GRIN2D: variants seen among roughly 807,000 people sequenced by gnomAD.
GRIN2D encodes the protein glutamate receptor ionotropic, NMDA 2D.
A neutral mutation model predicts 103.2 loss-of-function variants in GRIN2D; 37 were observed. The ratio of observed to expected loss-of-function variants is 0.36; its 90% confidence interval spans 0.28 to 0.47. The LOEUF is 0.47. Among genes scored for constraint, GRIN2D ranks in the 20% least tolerant of loss-of-function variants. The probability of loss-of-function intolerance (pLI) is 1.00; values close to 1 mark genes in which losing one functional copy is unlikely to be tolerated. For synonymous variants in GRIN2D, 845 were observed against 885.6 expected (o/e 0.95, Z 0.81); for missense variants, 1,557 against 1,910.6 (o/e 0.81, Z 3.45).
chr19:48,443,452 G>T lies in GRIN2D; in HGVS notation c.3526G>T (p.Ala1176Ser). 2 of 1,383,238 alleles carry T rather than the reference G, an allele frequency of 1.4e-6. No homozygotes were observed. Among genetic ancestry groups the T allele is most frequent in the South Asian group, 1.6e-5 (1 of 63,678 alleles). 85.7% of individuals were successfully genotyped at this position (1,383,238 alleles called of 1,614,324 possible). A position where few individuals can be genotyped will look rare whatever the true frequency, so the allele number is the denominator to read the frequency against. The change falls in exon 14 of 14, where the codon GCC becomes TCC. Residue 1176 changes from alanine (A) to serine (S), a missense_variant. Physicochemically the swap from Ala to Ser is moderately conservative, Grantham distance 99. Coordinates refer to ENST00000263269, the MANE Select transcript of GRIN2D (RefSeq NM_000836.4). The surrounding 1 kb of genome is among the most constrained non-coding windows in gnomAD (Gnocchi z 8.9). The part of the protein sequence containing the change: ...WDYLPPRSGP[A>S]AWHCRHCASL... ...CTACCTGCCCCCGCGCAGCGGTCCG[G>T]CCGCCTGGCACTGTCGGCACTGCGC...
intron 11 of GRIN2D, among the ~76,000 whole-genome samples, chr19:48,435,340 A>G (rs1799282): frequency 0.89 from 129,176 of 144,988 alleles, 57,675 homozygotes; most frequent in Middle Eastern, 0.94. Context: ...CTCTTGCTCC[A>G]TTGCCCGGGC....
At position 48,442,998 on chromosome 19, in the gene GRIN2D, C is replaced by T; in HGVS notation, c.3072C>T (p.Phe1024=). 2 of 1,096,686 alleles carry T rather than the reference C, an allele frequency of 1.8e-6. No homozygotes were observed. The highest frequency in any genetic ancestry group is 2.2e-6 in the Non-Finnish European group (2 of 899,692). 67.9% of individuals were successfully genotyped at this position (1,096,686 alleles called of 1,614,324 possible). A position where few individuals can be genotyped will look rare whatever the true frequency, so the allele number is the denominator to read the frequency against. ...KEPAEPPAGA[F]PGFPSPPAPP... The stretch of plus-strand genomic sequence containing the variant: ...CAGCCGAGCCCCCCGCCGGCGCCTT[C>T]CCCGGCTTCCCGTCGCCGCCCGCGC... The change falls in exon 14 of 14, where the codon TTC becomes TTT. Residue 1024 remains phenylalanine (F), a synonymous_variant. Transcript: ENST00000263269. The surrounding 1 kb of genome is among the most constrained non-coding windows in gnomAD (Gnocchi z 7.2).
At position 48,405,336 on chromosome 19, in the gene GRIN2D, C is replaced by G; in HGVS notation, c.1068C>G (p.Arg356=). Residue 356 remains arginine, a synonymous_variant, in exon 4 of 14, where the codon CGC becomes CGG. Transcript: ENST00000263269. The surrounding 1 kb of genome is among the most constrained non-coding windows in gnomAD (Gnocchi z 5.1). ...HDCRAQNRTH[R]GESLHRYFMN... is the part of the protein sequence containing the mutation. ...GTCGCGCCCAGAACCGCACCCACCG[C>G]GGCGAGAGTCTGCATAGGTGAGTGG... The G allele has an allele frequency of 6.3e-7, 1 of 1,587,632 alleles. No individual in the cohort carries two copies. Among genetic ancestry groups the G allele is most frequent in the Non-Finnish European group, 8.6e-7 (1 of 1,167,712 alleles).
At chr19:48,417,909 C>T (rs962150820) in intron 8 of GRIN2D, among the ~76,000 whole-genome samples, 4 of 151,948 alleles carry the variant, frequency 2.6e-5, no homozygotes, top group Non-Finnish European at 4.4e-5. Flanking sequence ...ACACAGTTAT[C>T]GAATGTGAGG....
intron 9 of GRIN2D, 54 bp downstream of exon 9, chr19:48,419,413 G>A (rs1970988455): frequency 6.4e-7 from 1 of 1,568,126 alleles, no homozygotes; most frequent in Non-Finnish European, 8.6e-7. Flanking sequence ...CACAGAGACA[G>A]AGAACTACAT....
Position 48,443,597 on chromosome 19 carries a change from C to T in GRIN2D, c.3671C>T (p.Ala1224Val). ...GCCGGGCCCCTGCCCCGACGCCGGG[C>T]CCGCTGCGGGTGCCCGCGGTCGCAC... ...WAAGPLPRRR[A>V]RCGCPRSHPH... Residue 1224 changes from alanine (A) to valine (V), a missense_variant, in exon 14 of 14, where the codon GCC (alanine) becomes GTC (valine). By Grantham distance (64) the Ala-to-Val change is moderately conservative. Around this residue, in one of 7 missense-constraint regions of GRIN2D, gnomAD observed 632 missense variants for 572.8 expected, o/e 1.10. Transcript: ENST00000263269. The surrounding 1 kb of genome is among the most constrained non-coding windows in gnomAD (Gnocchi z 8.9). The T allele has an allele frequency of 1.7e-6, 2 of 1,154,784 alleles. No individual in the cohort carries two copies. Among genetic ancestry groups the T allele is most frequent in the Non-Finnish European group, 2.1e-6 (2 of 940,256 alleles). The allele number at this position is 1,154,784 out of a possible 1,614,324, so 71.5% of individuals were successfully genotyped here.
chr19:48,427,158 A>G (rs559220169), intron 11 of GRIN2D, among the ~76,000 whole-genome samples: 120 of 151,856 alleles, frequency 7.9e-4, no homozygotes, highest in Non-Finnish European at 1.4e-3. Flanking sequence ...TGTCTCTACA[A>G]AAAAATACAA....
chr19:48,412,548 G>A (rs1970885481), intron 4 of GRIN2D, among the ~76,000 whole-genome samples: 1 of 151,998 alleles, frequency 6.6e-6, no homozygotes, highest in African/African-American at 2.4e-5. Context: ...AGCCCTTTGG[G>A]AGGCTGAGGC....
intron 11 of GRIN2D, among the ~76,000 whole-genome samples, chr19:48,428,019 CTGTT>C (rs1328312578): frequency 1.3e-5 from 2 of 149,164 alleles, no homozygotes; most frequent in Admixed American, 1.3e-4. Flanking sequence ...CATCTTCCCT[CTGTT>C]TGTGTCTCTG....
chr19:48,426,296 G>A (rs992386651), intron 11 of GRIN2D, among the ~76,000 whole-genome samples: 1 of 144,970 alleles, frequency 6.9e-6, no homozygotes, highest in Admixed American at 7.1e-5. Flanking sequence ...CGCGATCTCG[G>A]CTCACTGCAA....
chr19:48,396,733 G>T (rs186709822), intron 2 of GRIN2D, among the ~76,000 whole-genome samples: 172 of 152,040 alleles, frequency 1.1e-3, no homozygotes, highest in Non-Finnish European at 2.2e-3. Flanking sequence ...CAGAGGGGAC[G>T]GGCTGTGGCC....
intron 3 of GRIN2D, among the ~76,000 whole-genome samples, chr19:48,402,287 G>A (rs886417759): frequency 9.2e-5 from 14 of 152,072 alleles, no homozygotes; most frequent in African/African-American, 3.1e-4. Flanking sequence ...ATCTTTGAAC[G>A]TAGAGCTAAG....
chr19:48,408,004 A>G (rs1600973848), intron 4 of GRIN2D, among the ~76,000 whole-genome samples: 1 of 152,158 alleles, frequency 6.6e-6, no homozygotes, highest in East Asian at 1.9e-4. Flanking sequence ...CCTGGGTAAC[A>G]TAGTGAGAAC....
chr19:48,443,109 G>A lies in GRIN2D; in HGVS notation c.3183G>A (p.Trp1061Ter). The change falls in exon 14 of 14, where the codon TGG becomes TGA. Residue 1061 changes from tryptophan to a stop codon, truncating the protein, a stop_gained. Coordinates refer to ENST00000263269, the MANE Select transcript of GRIN2D (RefSeq NM_000836.4). LOFTEE classifies it high-confidence loss of function. The surrounding 1 kb of genome is among the most constrained non-coding windows in gnomAD (Gnocchi z 8.9). ...EDESPPAPAR[W>*]PRSDPESQPL... ...AGAGCCCGCCGGCGCCCGCGCGGTG[G>A]CCGCGCTCGGACCCCGAGAGCCAAC... The A allele has an allele frequency of 9.8e-7, 1 of 1,019,260 alleles. No individual in the cohort carries two copies. Among genetic ancestry groups the A allele is most frequent in the South Asian group, 3.7e-5 (1 of 27,150 alleles). The allele number at this position is 1,019,260 out of a possible 1,614,324, so 63.1% of individuals were successfully genotyped here.
intron 3 of GRIN2D, among the ~76,000 whole-genome samples, chr19:48,403,198 CAAAAA>C (rs145115482): frequency 1.2e-4 from 11 of 91,338 alleles, no homozygotes; most frequent in African/African-American, 3.6e-4. Context: ...GACTCTGTCT[CAAAAA>C]AAAAAAAAAA....
Position 48,442,458 on chromosome 19 carries a change from G to A in GRIN2D, c.2673+76G>A, listed in dbSNP as rs993743758. On this transcript the variant is annotated intron_variant, in intron 13 of 13. Transcript: ENST00000263269. This position sits in a 1 kb window ranked among gnomAD's most constrained non-coding sequence, Gnocchi z 7.2. ...AAAGGTAAAGCCGAGCAGAGACAAG[G>A]AGATGTGGGTCGAGATGTGGATAGT... The A allele has an allele frequency of 3.9e-6, 6 of 1,548,518 alleles. No individual in the cohort carries two copies. The African/African-American group carries it at 6.8e-5, about 17-fold the overall frequency.
chr19:48,422,016 G>T (rs1308303298), intron 11 of GRIN2D, 71 bp downstream of exon 11: 2 of 1,489,986 alleles, frequency 1.3e-6, no homozygotes, highest in East Asian at 4.5e-5. Flanking sequence ...AGATGGCAAG[G>T]GGTCCAGGTT....
At chr19:48,430,785 G>A (rs570730694) in intron 11 of GRIN2D, among the ~76,000 whole-genome samples, 3 of 150,424 alleles carry the variant, frequency 2.0e-5, no homozygotes, top group Non-Finnish European at 3.0e-5. Flanking sequence ...TATGTTAGAA[G>A]TATCAGATAC....
In GRIN2D at chr19:48,421,985, T is replaced by C. The variant is rs577574176; in HGVS notation, c.2252+40T>C. On this transcript the variant is annotated intron_variant, in intron 11 of 13. Coordinates refer to ENST00000263269, the MANE Select transcript of GRIN2D (RefSeq NM_000836.4). This position sits in a 1 kb window ranked among gnomAD's most constrained non-coding sequence, Gnocchi z 4.8. ...GGGCCGGGGGTGGGGGTTGGGCCGC[T>C]GGGGACCTGAGGATGCTCAAAGATG... is the stretch of plus-strand genomic sequence containing the variant. The C allele has an allele frequency of 1.9e-6, 3 of 1,596,092 alleles. No homozygotes were observed. In the Admixed American group the frequency reaches 5.1e-5, roughly 27 times the overall value.
Sources: gnomAD v4.1 joint callset for allele counts (sites outside exome capture counted in the v4.1 genomes callset) on GRCh38, gnomAD v4.1.1 for gene constraint, gnomAD v4.1.1 regional missense constraint, Gnocchi (gnomAD v3.1) non-coding constraint, MANE v1.5 for transcripts, NCBI Gene and HGNC (gene_info 2026-07-23, HGNC 2026-07-21) for gene names.